LYPD6: variants seen among roughly 807,000 people sequenced by gnomAD.
The protein encoded by LYPD6 is ly6/PLAUR domain-containing protein 6.
A neutral mutation model predicts 22.7 loss-of-function variants in LYPD6; 15 were observed. The ratio of observed to expected loss-of-function variants is 0.66; its 90% CI spans 0.44 to 1.02. The LOEUF (loss-of-function observed/expected upper bound fraction) is 1.02. Ranked by LOEUF, LYPD6 falls within the 50% of genes least tolerant of loss-of-function variation. The pLI is 0.00. For missense variants in LYPD6, 189 were observed against 208.4 expected, an observed-to-expected ratio of 0.91 and a Z score of 0.57; for synonymous variants, 72 against 77.5, an observed-to-expected ratio of 0.93 and a Z score of 0.37.
At chr2:149,349,112 A>C (rs984823220) in intron 1 of LYPD6, among the ~76,000 whole-genome samples, 2 of 152,284 alleles carry the variant, frequency 1.3e-5, no homozygotes, top group South Asian at 2.1e-4. Context: ...TGAGACACCT[A>C]TTAGGCTTCT....
chr2:149,373,851 TAA>T (rs754300517), intron 1 of LYPD6, among the ~76,000 whole-genome samples: 2 of 152,238 alleles, frequency 1.3e-5, no homozygotes, highest in African/African-American at 2.4e-5. Flanking sequence ...TTATGTAATG[TAA>T]AGAGATTAAT....
At chr2:149,483,963 C>T in the LYPD6 span, among the ~76,000 whole-genome samples, 16 of 152,304 alleles carry the variant, frequency 1.1e-4, no homozygotes, top group African/African-American at 3.8e-4. Context: ...GGTCTCAAGT[C>T]ATGGTTCAGC....
At chr2:149,338,428 AC>A (rs1366387095) in intron 1 of LYPD6, among the ~76,000 whole-genome samples, 1 of 152,220 alleles carries the variant, frequency 6.6e-6, no homozygotes, top group African/African-American at 2.4e-5. Context: ...ATAGTGGCAT[AC>A]CTCCAAAATT....
intron 3 of LYPD6, among the ~76,000 whole-genome samples, chr2:149,454,585 G>A (rs973777079): frequency 3.3e-5 from 5 of 151,920 alleles, no homozygotes; most frequent in African/African-American, 9.7e-5. Flanking sequence ...GTTCATATGC[G>A]TTTCTGCTAG....
At chr2:149,330,369 C>A (rs1230140859), upstream of LYPD6, 1 of 151,362 alleles carries the variant, frequency 6.6e-6, no homozygotes, top group African/African-American at 2.4e-5. Flanking sequence ...CCGGAGTTTG[C>A]AGACTTGGCG....
At chr2:149,468,898 C>A in intron 4 of LYPD6, 123 bp downstream of exon 4, 1 of 1,061,990 alleles carries the variant, frequency 9.4e-7, no homozygotes. Context: ...TGTCTTTATG[C>A]TCTATGAAAA....
At chr2:149,464,243 G>T in intron 3 of LYPD6, 1 of 309,340 alleles carries the variant, frequency 3.2e-6, no homozygotes, top group Non-Finnish European at 6.6e-6. Context: ...GAAGAGAGAA[G>T]ATTAGCATTG....
At chr2:149,447,396 G>T (rs1229214338) in intron 2 of LYPD6, among the ~76,000 whole-genome samples, 1 of 152,168 alleles carries the variant, frequency 6.6e-6, no homozygotes, top group Non-Finnish European at 1.5e-5. Flanking sequence ...GGGAGCAGTA[G>T]GAAGAGATAA....
At chr2:149,372,285 C>T (rs1057209578) in intron 1 of LYPD6, among the ~76,000 whole-genome samples, 18 of 152,256 alleles carry the variant, frequency 1.2e-4, no homozygotes, top group African/African-American at 4.3e-4. Context: ...GATAAAGTCC[C>T]GTTCCTCTCT....
At chr2:149,348,849 C>G (rs1681309313) in intron 1 of LYPD6, among the ~76,000 whole-genome samples, 1 of 151,878 alleles carries the variant, frequency 6.6e-6, no homozygotes, top group South Asian at 2.1e-4. Flanking sequence ...TGTAGCAGTC[C>G]AGGTGTTGGC....
chr2:149,449,295 TA>T, intron 3 of LYPD6, 148 bp downstream of exon 3: 1 of 559,258 alleles, frequency 1.8e-6, no homozygotes, highest in Non-Finnish European at 3.2e-6. Context: ...ACCACACCAA[TA>T]ACTTATCAGA....
chr2:149,381,778 T>C (rs1410572779), intron 1 of LYPD6, among the ~76,000 whole-genome samples: 1 of 152,194 alleles, frequency 6.6e-6, no homozygotes, highest in African/African-American at 2.4e-5. Context: ...CCCTGTGAAG[T>C]TGGCAGAGAG....
At position 149,407,612 on chromosome 2, in the gene LYPD6, G is replaced by A. The variant is rs565221737; in HGVS notation, c.-71-30026G>A. On this transcript the variant is annotated intron_variant, in intron 1 of 4. Coordinates refer to ENST00000334166, the MANE Select transcript of LYPD6 (RefSeq NM_194317.5). ...CTCCTTTAAGCACTTCTCTGTATTG[G>A]TTATTCTAGTTATACATTCGTCTAA... Among the ~76,000 whole-genome samples the A allele has an allele frequency of 9.2e-5, 14 of 152,206 alleles. No homozygotes were observed. In the East Asian group the frequency reaches 2.7e-3, roughly 29 times the overall value.
At chr2:149,402,233 C>CGTGT (rs146124855) in intron 1 of LYPD6, among the ~76,000 whole-genome samples, 2,343 of 145,616 alleles carry the variant, frequency 0.016, 32 homozygotes, top group African/African-American at 0.027. Context: ...TGTGTGTTTG[C>CGTGT]GTGTGTGTGT....
intron 3 of LYPD6, among the ~76,000 whole-genome samples, chr2:149,454,214 A>C (rs933930274): frequency 3.3e-5 from 5 of 152,220 alleles, no homozygotes; most frequent in African/African-American, 1.2e-4. Flanking sequence ...ATAAGTGCAC[A>C]ATTTGTGAAT....
At chr2:149,409,225 G>T (rs1298776343) in intron 1 of LYPD6, among the ~76,000 whole-genome samples, 2 of 152,224 alleles carry the variant, frequency 1.3e-5, no homozygotes, top group Non-Finnish European at 2.9e-5. Context: ...GGCTGGTACT[G>T]TGTAGTGTCT....
intron 1 of LYPD6, among the ~76,000 whole-genome samples, chr2:149,413,807 T>C (rs1179227738): frequency 6.6e-6 from 1 of 152,188 alleles, no homozygotes. Context: ...TATGTGACTG[T>C]GGGTTTTGGG....
chr2:149,453,267 C>T (rs1245457084), intron 3 of LYPD6, among the ~76,000 whole-genome samples: 1 of 152,156 alleles, frequency 6.6e-6, no homozygotes. Context: ...CTTGGATCTA[C>T]GTTTGCCCAT....
intron 1 of LYPD6, among the ~76,000 whole-genome samples, chr2:149,429,694 TAAG>T (rs1171349188): frequency 1.3e-5 from 2 of 152,196 alleles, no homozygotes; most frequent in African/African-American, 4.8e-5. Context: ...GTCGGGAATG[TAAG>T]AAGGGCTCAG....
Sources: allele counts gnomAD v4.1 joint callset (sites outside exome capture counted in the v4.1 genomes callset), GRCh38; gene constraint gnomAD v4.1.1; transcripts MANE v1.5; gene names NCBI Gene and HGNC (gene_info 2026-07-23, HGNC 2026-07-21).